Variants in PLCB1 observed in about 807,000 individuals in gnomAD.
PLCB1 encodes phospholipase C beta 1, also known as 1-phosphatidylinositol 4,5-bisphosphate phosphodiesterase beta-1.
A neutral mutation model predicts 161.8 loss-of-function variants in PLCB1; 46 were observed. The ratio of observed to expected loss-of-function variants is 0.28; its 90% CI spans 0.22 to 0.36. The LOEUF (loss-of-function observed/expected upper bound fraction) is 0.36, where lower values mean the gene tolerates loss of function less well. PLCB1 is among the 10% of genes least tolerant of loss of function. The pLI, the probability that PLCB1 is intolerant of heterozygous loss-of-function variation, is 1.00. For synonymous variants in PLCB1, 517 were observed against 503.7 expected, an observed-to-expected ratio of 1.03 and a Z score of -0.35; for missense variants, 1,016 against 1,472.5, an observed-to-expected ratio of 0.69 and a Z score of 5.07.
chr20:8,136,398 G>T (rs533916951), intron 1 of PLCB1, among the ~76,000 whole-genome samples: 4 of 151,690 alleles, frequency 2.6e-5, no homozygotes, highest in South Asian at 2.1e-4. Context: ...AAGCCGAGGC[G>T]GGCAGATCAC....
At chr20:8,865,447 C>A (rs544433915) in intron 31 of PLCB1, among the ~76,000 whole-genome samples, 1 of 152,132 alleles carries the variant, frequency 6.6e-6, no homozygotes, top group South Asian at 2.1e-4. Context: ...CCCCTGACCT[C>A]AAAATAAATC....
intron 31 of PLCB1, among the ~76,000 whole-genome samples, chr20:8,857,463 G>T (rs151300765): frequency 4.7e-4 from 72 of 152,240 alleles, no homozygotes; most frequent in African/African-American, 1.5e-3. Flanking sequence ...CTGTCAGTTT[G>T]CATTTAGTGA....
chr20:8,758,836 A>G (rs1319331355), intron 24 of PLCB1, among the ~76,000 whole-genome samples: 4 of 152,196 alleles, frequency 2.6e-5, no homozygotes, highest in Non-Finnish European at 4.4e-5. Context: ...AATATTTTTT[A>G]AATGGCACAG....
chr20:8,237,734 C>G (rs997596758), intron 2 of PLCB1, among the ~76,000 whole-genome samples: 1 of 152,010 alleles, frequency 6.6e-6, no homozygotes, highest in African/African-American at 2.4e-5. Context: ...GATGTAGACA[C>G]AAATAGAATC....
At chr20:8,615,454 G>A (rs141602531) in intron 3 of PLCB1, among the ~76,000 whole-genome samples, 184 of 152,126 alleles carry the variant, frequency 1.2e-3, no homozygotes, top group Middle Eastern at 3.4e-3. Flanking sequence ...TTTTGATAAA[G>A]TGCCTTTATT....
rs1213359058 is a variant in PLCB1 at position 8,741,552 on chromosome 20, TGAA to T, written c.2510_2512del (p.Glu837del). The T allele has an allele frequency of 2.5e-6, 4 of 1,612,048 alleles. No individual in the cohort carries two copies. Among genetic ancestry groups the T allele is most frequent in the African/African-American group, 2.7e-5 (2 of 75,024 alleles). On this transcript the variant is annotated inframe_deletion, in exon 23 of 32. Coordinates refer to ENST00000338037, the MANE Select transcript of PLCB1 (RefSeq NM_015192.4). ...AATTGGCTGCTTTGACACTGGAAGA[TGAA>T]GAAGAAGTAAAGAAAGAGGTGAGAG...
At chr20:8,690,276 G>A (rs563140356) in intron 10 of PLCB1, among the ~76,000 whole-genome samples, 1 of 151,880 alleles carries the variant, frequency 6.6e-6, no homozygotes, top group East Asian at 2.0e-4. Context: ...CCAATACACT[G>A]AGAACAGCAG....
intron 9 of PLCB1, among the ~76,000 whole-genome samples, chr20:8,683,889 CT>C (rs1239872010): frequency 1.3e-3 from 190 of 145,212 alleles, no homozygotes; most frequent in Admixed American, 1.2e-3. Flanking sequence ...TTGAAAACAC[CT>C]TTTTTTTTTT....
At position 8,132,747 on chromosome 20, in the gene PLCB1, T is replaced by G; in HGVS notation, c.96T>G (p.Asp32Glu). The change falls in exon 1 of 32, where the codon GAT becomes GAG. Residue 32 changes from aspartate to glutamate, a missense_variant. By Grantham distance (45) the Asp-to-Glu change is conservative. This residue lies in a region of PLCB1 where 181 missense variants were observed against 236.7 expected (regional missense o/e 0.76). Transcript: ENST00000338037. The surrounding 1 kb of genome is among the most constrained non-coding windows in gnomAD (Gnocchi z 5.2). The part of the protein sequence containing the change: ...LKKGTKFVKW[D>E]DDSTIVTPII... ...AGGGCACCAAATTCGTCAAGTGGGA[T>G]GATGTAAGTATTGGGGCGGCCCGAG... is the stretch of plus-strand genomic sequence containing the variant. 1 of 1,608,414 alleles carries G rather than the reference T, an allele frequency of 6.2e-7. No homozygotes were observed. The highest frequency in any genetic ancestry group is 8.5e-7 in the Non-Finnish European group (1 of 1,175,482).
intron 2 of PLCB1, among the ~76,000 whole-genome samples, chr20:8,364,786 C>T (rs564645369): frequency 2.6e-5 from 4 of 152,282 alleles, no homozygotes; most frequent in Non-Finnish European, 5.9e-5. Context: ...AACACATGAA[C>T]GTTTTCATTG....
intron 9 of PLCB1, among the ~76,000 whole-genome samples, chr20:8,684,047 C>T (rs889586650): frequency 2.0e-5 from 3 of 151,192 alleles, no homozygotes; most frequent in Non-Finnish European, 2.9e-5. Flanking sequence ...CCACACCCGG[C>T]TAATTTTTCT....
At chr20:8,387,726 A>T (rs563986402) in intron 3 of PLCB1, among the ~76,000 whole-genome samples, 1 of 152,302 alleles carries the variant, frequency 6.6e-6, no homozygotes, top group Admixed American at 6.5e-5. Flanking sequence ...GTGCAATAAA[A>T]TGAGGTGTGC....
intron 3 of PLCB1, among the ~76,000 whole-genome samples, chr20:8,546,217 G>A (rs1308351780): frequency 6.6e-6 from 1 of 150,876 alleles, no homozygotes; most frequent in African/African-American, 2.4e-5. Context: ...GGGAAGCTGA[G>A]GCAGGAGAAT....
chr20:8,267,626 T>C (rs1982038428), intron 2 of PLCB1, among the ~76,000 whole-genome samples: 1 of 152,204 alleles, frequency 6.6e-6, no homozygotes, highest in African/African-American at 2.4e-5. Context: ...AATGTTATTT[T>C]CTGTCATTTT....
intron 31 of PLCB1, among the ~76,000 whole-genome samples, chr20:8,821,034 A>G (rs1399585024): frequency 1.3e-5 from 2 of 152,188 alleles, no homozygotes; most frequent in Non-Finnish European, 2.9e-5. Flanking sequence ...GGAGTCAGGG[A>G]AGGAGAGAGG....
At chr20:8,846,275 G>A (rs942804962) in intron 31 of PLCB1, among the ~76,000 whole-genome samples, 2 of 150,700 alleles carry the variant, frequency 1.3e-5, no homozygotes, top group Admixed American at 6.6e-5. Flanking sequence ...GAACAGCAAG[G>A]GAGAAATCTG....
intron 2 of PLCB1, among the ~76,000 whole-genome samples, chr20:8,264,530 C>G (rs2743171): frequency 0.11 from 17,461 of 152,152 alleles, 1,259 homozygotes; most frequent in African/African-American, 0.2. Flanking sequence ...TTTTATACAA[C>G]TAGCAGCAAT....
At chr20:8,645,420 G>A (rs1989142556) in intron 4 of PLCB1, among the ~76,000 whole-genome samples, 1 of 152,222 alleles carries the variant, frequency 6.6e-6, no homozygotes, top group South Asian at 2.1e-4. Context: ...GAATTTTGTA[G>A]GGGTTTCAGC....
chr20:8,735,913 GACA>G (rs1980556507), intron 19 of PLCB1, among the ~76,000 whole-genome samples: 1 of 152,124 alleles, frequency 6.6e-6, no homozygotes, highest in South Asian at 2.1e-4. Context: ...CAGAATTTCT[GACA>G]ACATCAGCAT....
Sources: gnomAD v4.1 joint callset for allele counts (sites outside exome capture counted in the v4.1 genomes callset) on GRCh38, gnomAD v4.1.1 for gene constraint, gnomAD v4.1.1 regional missense constraint, Gnocchi (gnomAD v3.1) non-coding constraint, MANE v1.5 for transcripts, NCBI Gene and HGNC (gene_info 2026-07-23, HGNC 2026-07-21) for gene names.